PMFBP1: variants seen among roughly 807,000 people sequenced by gnomAD.
PMFBP1 encodes polyamine-modulated factor 1-binding protein 1.
Under a neutral mutation model 137.8 loss-of-function variants are expected in PMFBP1, and 131 were observed. That is an observed-to-expected ratio of 0.95 (90% CI 0.82 to 1.10). PMFBP1 has a LOEUF of 1.10. Ranked by LOEUF, PMFBP1 falls within the 50% of genes least tolerant of loss-of-function variation. The pLI, the probability that PMFBP1 is intolerant of heterozygous loss-of-function variation, is 0.00. For missense variants in PMFBP1, 1,199 were observed against 1,175.4 expected (o/e 1.02, Z -0.29); for synonymous variants, 490 against 450.4 (o/e 1.09, Z -1.11).
At chr16:72,221,017 C>G in the PMFBP1 span, among the ~76,000 whole-genome samples, 1 of 152,106 alleles carries the variant, frequency 6.6e-6, no homozygotes, top group East Asian at 1.9e-4. Flanking sequence ...TCAGCCTAAG[C>G]GAACCTAGAG....
At chr16:72,136,857 G>C in intron 7 of PMFBP1, 38 bp from the exon 8 acceptor site, 1 of 1,612,384 alleles carries the variant, frequency 6.2e-7, no homozygotes, top group Non-Finnish European at 8.5e-7. Flanking sequence ...GAGGAGATGA[G>C]AGACAATGGA....
chr16:72,125,907 C>T (rs1330845424), intron 15 of PMFBP1, 61 bp downstream of exon 15: 2 of 1,573,498 alleles, frequency 1.3e-6, no homozygotes, highest in Non-Finnish European at 1.7e-6. Flanking sequence ...TGTGCTTCTC[C>T]CGCTACCTTG....
the PMFBP1 span, among the ~76,000 whole-genome samples, chr16:72,246,188 G>A: frequency 1.3e-5 from 2 of 152,164 alleles, no homozygotes; most frequent in Admixed American, 1.3e-4. Flanking sequence ...GACAGTTGCT[G>A]AAAGGACAAT....
At chr16:72,131,765 T>G (rs2042552560) in intron 10 of PMFBP1, among the ~76,000 whole-genome samples, 1 of 152,168 alleles carries the variant, frequency 6.6e-6, no homozygotes, top group African/African-American at 2.4e-5. Context: ...AACACAGCAT[T>G]AAAGGAGGGT....
chr16:72,179,834 G>A (rs2043270405), upstream of PMFBP1, among the ~76,000 whole-genome samples: 1 of 152,182 alleles, frequency 6.6e-6, no homozygotes, highest in African/African-American at 2.4e-5. Context: ...AAGGTGCCTG[G>A]CTACATAAAT....
chr16:72,181,704 G>A (rs1164202827), upstream of PMFBP1, among the ~76,000 whole-genome samples: 2 of 152,170 alleles, frequency 1.3e-5, no homozygotes, highest in Non-Finnish European at 2.9e-5. Flanking sequence ...ATAAAATAAA[G>A]CATTGGCTGA....
chr16:72,150,570 C>G (rs1567634388), intron 5 of PMFBP1, 38 bp downstream of exon 5: 3 of 1,596,626 alleles, frequency 1.9e-6, no homozygotes, highest in Non-Finnish European at 1.7e-6. Flanking sequence ...GGGAGCACAT[C>G]CACTTGCCTG....
chr16:72,205,954 A>G, the PMFBP1 span, among the ~76,000 whole-genome samples: 1 of 152,150 alleles, frequency 6.6e-6, no homozygotes, highest in South Asian at 2.1e-4. Context: ...CTCCAAAGAC[A>G]ACAAACACAC....
intron 19 of PMFBP1, 68 bp from the exon 20 acceptor site, chr16:72,120,157 G>C (rs1205300629): frequency 6.2e-7 from 1 of 1,609,106 alleles, no homozygotes; most frequent in Non-Finnish European, 8.5e-7. Context: ...CTGCTAGAAA[G>C]GACAGATAAA....
At chr16:72,160,048 A>T (rs1567639527) in intron 3 of PMFBP1, among the ~76,000 whole-genome samples, 1 of 152,232 alleles carries the variant, frequency 6.6e-6, no homozygotes, top group Admixed American at 6.5e-5. Context: ...CTGGCTGTCC[A>T]TAGGAACCTG....
rs534189190 is a variant in PMFBP1 at position 72,132,241 on chromosome 16, C to T, written c.1447+507G>A. 1.2e-3 allele frequency among the ~76,000 whole-genome samples: 187 copies of T among 152,276 alleles called. 1 individual carries two copies. Among genetic ancestry groups the T allele is most frequent in the Non-Finnish European group, 2.1e-3 (142 of 68,020 alleles). On this transcript the variant is annotated intron_variant, in intron 10 of 20. Coordinates refer to ENST00000237353, the MANE Select transcript of PMFBP1 (RefSeq NM_031293.3). ...ATTTAATTCCAGAGCATTTTCATCACCCCCAGAGAAACCCTGTACCCAAGG... is the reference window on the plus strand; with the variant it reads ...ATTTAATTCCAGAGCATTTTCATCATCCCCAGAGAAACCCTGTACCCAAGG...
chr16:72,197,992 T>C, the PMFBP1 span, among the ~76,000 whole-genome samples: 1 of 152,206 alleles, frequency 6.6e-6, no homozygotes, highest in Non-Finnish European at 1.5e-5. Context: ...ATTCCCTTCT[T>C]GTTGGCAGAT....
chr16:72,156,913 T>A (rs951341157), intron 3 of PMFBP1, among the ~76,000 whole-genome samples: 3 of 151,572 alleles, frequency 2.0e-5, no homozygotes, highest in South Asian at 2.1e-4. Context: ...ATCGGCTGGG[T>A]GCGGTGGCTC....
chr16:72,209,540 T>C, the PMFBP1 span, among the ~76,000 whole-genome samples: 1 of 152,240 alleles, frequency 6.6e-6, no homozygotes, highest in East Asian at 1.9e-4. Flanking sequence ...CTGTATATCA[T>C]ATTCTTAAAT....
At chr16:72,207,125 C>T in the PMFBP1 span, among the ~76,000 whole-genome samples, 1 of 151,970 alleles carries the variant, frequency 6.6e-6, no homozygotes, top group Non-Finnish European at 1.5e-5. Context: ...CAAGTGGAGA[C>T]AGATGGGATG....
Position 72,164,789 on chromosome 16 carries a change from A to G in PMFBP1, c.140T>C (p.Met47Thr), listed in dbSNP as rs947077730. The change falls in exon 3 of 21, where the codon ATG (methionine) becomes ACG (threonine). Residue 47 changes from methionine to threonine, a missense_variant. Met to Thr is a moderately conservative substitution (Grantham distance 81). Transcript: ENST00000237353. Reference sequence around the variant, plus strand: ...GTGGCTGCTGTTCATTGCCTCCTCCATGCAGAGCTGATTGTCCTGCAAGGT... The same window carrying G: ...GTGGCTGCTGTTCATTGCCTCCTCCGTGCAGAGCTGATTGTCCTGCAAGGT... ...RKTLQDNQLCMEEAMNSSHDK... is the reference protein window; with the variant it reads ...RKTLQDNQLCTEEAMNSSHDK... The G allele has an allele frequency of 2.4e-5, 39 of 1,603,286 alleles. No individual in the cohort carries two copies. The highest frequency in any genetic ancestry group is 3.3e-5 in the Non-Finnish European group (39 of 1,171,314).
chr16:72,181,036 C>T (rs112354815), upstream of PMFBP1, among the ~76,000 whole-genome samples: 39 of 152,066 alleles, frequency 2.6e-4, no homozygotes, highest in South Asian at 1.9e-3. Flanking sequence ...GTCAAGAGAT[C>T]GAGACCATCC....
the PMFBP1 span, among the ~76,000 whole-genome samples, chr16:72,220,953 A>T: frequency 3.3e-5 from 5 of 152,180 alleles, no homozygotes; most frequent in African/African-American, 1.2e-4. Flanking sequence ...GCTCCCCAGA[A>T]CTCTCAGTTT....
the PMFBP1 span, among the ~76,000 whole-genome samples, chr16:72,218,388 C>T: frequency 1.1e-4 from 16 of 151,716 alleles, no homozygotes; most frequent in African/African-American, 2.2e-4. Flanking sequence ...AGTGCAGTGG[C>T]GCGGTCTTGG....
Sources: gnomAD v4.1 joint callset for allele counts (sites outside exome capture counted in the v4.1 genomes callset) on GRCh38, gnomAD v4.1.1 for gene constraint, MANE v1.5 for transcripts, NCBI Gene and HGNC (gene_info 2026-07-23, HGNC 2026-07-21) for gene names.